The following ADGRL2 variants were observed in gnomAD, a reference collection of about 807,000 sequenced individuals.
The protein encoded by ADGRL2 is adhesion G protein-coupled receptor L2, also known as calcium-independent alpha-latrotoxin receptor 2.
ADGRL2 carries 44 observed loss-of-function variants against 157.4 expected under a neutral mutation model. The observed-to-expected ratio is 0.28, with a 90% confidence interval of 0.22 to 0.36. The LOEUF (loss-of-function observed/expected upper bound fraction) is 0.36. Ranked by LOEUF, ADGRL2 falls within the 10% of genes least tolerant of loss-of-function variation. The pLI is 1.00. For synonymous variants in ADGRL2, 585 were observed against 624.7 expected, an observed-to-expected ratio of 0.94 and a Z score of 0.95; for missense variants, 1,510 against 1,768.9, an observed-to-expected ratio of 0.85 and a Z score of 2.63.
intron 1 of ADGRL2, among the ~76,000 whole-genome samples, chr1:81,825,114 G>T (rs968766558): frequency 1.4e-4 from 22 of 152,168 alleles, no homozygotes; most frequent in Admixed American, 1.4e-3. Flanking sequence ...GGGAGGCCAA[G>T]GCGGGAGGAT....
At chr1:81,427,634 G>A (rs1293385102) in intron 1 of ADGRL2, 1 of 617,890 alleles carries the variant, frequency 1.6e-6, no homozygotes, top group Non-Finnish European at 3.0e-6. Flanking sequence ...AAGGGCTGCA[G>A]CTCTTAGCAG....
chr1:81,691,505 CT>C (rs61063269), intron 3 of ADGRL2, among the ~76,000 whole-genome samples: 12 of 148,106 alleles, frequency 8.1e-5, no homozygotes, highest in South Asian at 4.3e-4. Flanking sequence ...CTTTTTAGGA[CT>C]TTTTTTTTTG....
chr1:81,651,293 C>T (rs895966094), intron 3 of ADGRL2, among the ~76,000 whole-genome samples: 3 of 152,004 alleles, frequency 2.0e-5, no homozygotes, highest in African/African-American at 7.3e-5. Flanking sequence ...ATGTATGATT[C>T]CTATCATCTC....
intron 2 of ADGRL2, among the ~76,000 whole-genome samples, chr1:81,504,929 G>C (rs921370265): frequency 6.6e-6 from 1 of 152,310 alleles, no homozygotes; most frequent in African/African-American, 2.4e-5. Context: ...CTCCTGTGCT[G>C]TAAAGAAAAT....
intron 15 of ADGRL2, among the ~76,000 whole-genome samples, chr1:81,969,791 A>T (rs919664075): frequency 6.6e-6 from 1 of 152,172 alleles, no homozygotes; most frequent in Non-Finnish European, 1.5e-5. Context: ...TAGTTAGTTA[A>T]TGCTTCACCC....
chr1:81,916,445 G>A (rs969673531), intron 3 of ADGRL2, among the ~76,000 whole-genome samples: 13 of 152,028 alleles, frequency 8.6e-5, no homozygotes, highest in Non-Finnish European at 1.5e-4. Context: ...TCAAGGCAAA[G>A]TCAACTATTT....
intron 3 of ADGRL2, among the ~76,000 whole-genome samples, chr1:81,669,360 T>G (rs1432076009): frequency 6.6e-6 from 1 of 152,060 alleles, no homozygotes; most frequent in East Asian, 1.9e-4. Context: ...TGCTGTAGTG[T>G]GCTATGACTG....
chr1:81,934,780 G>A (rs1376943246), intron 3 of ADGRL2, among the ~76,000 whole-genome samples: 1 of 151,888 alleles, frequency 6.6e-6, no homozygotes, highest in African/African-American at 2.4e-5. Flanking sequence ...AATGTATACT[G>A]TGGGAGTATC....
chr1:81,333,644 T>C (rs1661430972), intron 1 of ADGRL2, among the ~76,000 whole-genome samples: 1 of 151,918 alleles, frequency 6.6e-6, no homozygotes, highest in Admixed American at 6.6e-5. Flanking sequence ...TCTTGAACTC[T>C]TGACCTTGTG....
chr1:81,873,901 G>A (rs1641541351), intron 2 of ADGRL2, among the ~76,000 whole-genome samples: 1 of 152,000 alleles, frequency 6.6e-6, no homozygotes, highest in Non-Finnish European at 1.5e-5. Flanking sequence ...TCCTTCTGAT[G>A]GTTGAAAGAT....
intron 1 of ADGRL2, among the ~76,000 whole-genome samples, chr1:81,751,408 G>T (rs2085485675): frequency 6.6e-6 from 1 of 152,136 alleles, no homozygotes; most frequent in Non-Finnish European, 1.5e-5. Flanking sequence ...TCACTTTTGT[G>T]ATTTTTCCGC....
rs1285785370 is a variant in ADGRL2, at chr1:81,584,972, T to G, written c.-143+3992T>G. Among the ~76,000 whole-genome samples the G allele has an allele frequency of 2.6e-5, 4 of 152,170 alleles. No homozygotes were observed. The East Asian group carries it at 7.7e-4, about 29-fold the overall frequency. ...TGACAAGCCACTAAAGCTGGAGGCT[T>G]AACACAACAATCAATTAATTTTAAA... is the stretch of plus-strand genomic sequence containing the variant. On this transcript the variant is annotated intron_variant, in intron 3 of 24. Transcript: ENST00000370721.
intron 1 of ADGRL2, among the ~76,000 whole-genome samples, chr1:81,829,032 C>G (rs1330294296): frequency 2.0e-5 from 3 of 152,080 alleles, no homozygotes; most frequent in Admixed American, 2.0e-4. Context: ...CTGCCTCAGC[C>G]TCCCGAGTAG....
chr1:81,629,126 G>A (rs990271525), intron 3 of ADGRL2, among the ~76,000 whole-genome samples: 10 of 152,038 alleles, frequency 6.6e-5, no homozygotes, highest in African/African-American at 2.4e-4. Flanking sequence ...TAGAGACCTT[G>A]ACAGTTTAGA....
chr1:81,477,487 A>C (rs995190281), intron 2 of ADGRL2, among the ~76,000 whole-genome samples: 4 of 152,220 alleles, frequency 2.6e-5, no homozygotes, highest in Non-Finnish European at 4.4e-5. Context: ...GACACAGCAA[A>C]GAAACAAGTT....
intron 6 of ADGRL2, among the ~76,000 whole-genome samples, chr1:81,944,838 A>G (rs560196121): frequency 2.0e-5 from 3 of 152,058 alleles, no homozygotes; most frequent in Non-Finnish European, 4.4e-5. Context: ...ATACCCATAC[A>G]TATTTTAAGA....
At chr1:81,890,124 GT>G (rs2094222945) in intron 2 of ADGRL2, among the ~76,000 whole-genome samples, 1 of 152,114 alleles carries the variant, frequency 6.6e-6, no homozygotes, top group Non-Finnish European at 1.5e-5. Context: ...TCCTGATATA[GT>G]TTATGCTGTG....
intron 1 of ADGRL2, among the ~76,000 whole-genome samples, chr1:81,399,942 T>C (rs995687750): frequency 1.3e-5 from 2 of 151,548 alleles, no homozygotes; most frequent in African/African-American, 4.8e-5. Flanking sequence ...GCAGCTTTTG[T>C]AGAGAATGAC....
At chr1:81,892,074 A>C (rs996607216) in intron 2 of ADGRL2, among the ~76,000 whole-genome samples, 1 of 151,774 alleles carries the variant, frequency 6.6e-6, no homozygotes, top group African/African-American at 2.4e-5. Context: ...GTTGAGATAC[A>C]TTTTTTTATC....
Sources: allele counts gnomAD v4.1 joint callset (sites outside exome capture counted in the v4.1 genomes callset), GRCh38; gene constraint gnomAD v4.1.1; transcripts MANE v1.5; gene names NCBI Gene and HGNC (gene_info 2026-07-23, HGNC 2026-07-21).